The following MARCHF1 variants were observed in gnomAD, a reference collection of about 807,000 sequenced individuals.
MARCHF1 encodes membrane associated ring-CH-type finger 1.
A neutral mutation model predicts 54.2 loss-of-function variants in MARCHF1; 40 were observed. The ratio of observed to expected loss-of-function variants is 0.74; its 90% confidence interval spans 0.57 to 0.96. The LOEUF is 0.96. Ranked by LOEUF, MARCHF1 falls within the 40% of genes least tolerant of loss-of-function variation. The pLI, the probability that MARCHF1 is intolerant of heterozygous loss-of-function variation, is 0.00. For synonymous variants in MARCHF1, 236 were observed against 236.3 expected (o/e 1.00, Z 0.01); for missense variants, 586 against 656.5 (o/e 0.89, Z 1.17).
At chr4:163,636,722 C>A (rs1252273184) in intron 5 of MARCHF1, among the ~76,000 whole-genome samples, 1 of 152,082 alleles carries the variant, frequency 6.6e-6, no homozygotes, top group African/African-American at 2.4e-5. Context: ...CAATGCCTTT[C>A]TTCACACAAT....
chr4:164,284,610 C>T (rs1734102088), intron 1 of MARCHF1, among the ~76,000 whole-genome samples: 1 of 150,950 alleles, frequency 6.6e-6, no homozygotes, highest in African/African-American at 2.4e-5. Context: ...TATAAAGACA[C>T]AAAACTAAGA....
chr4:163,633,242 C>T lies in MARCHF1; in HGVS notation c.163-19849G>A, dbSNP rs576562476. Among the ~76,000 whole-genome samples the T allele has an allele frequency of 8.3e-3, 1,257 of 152,284 alleles. 15 individuals are homozygous for T. The highest frequency in any genetic ancestry group is 0.028 in the African/African-American group (1,173 of 41,548). ...TCACCAGCAACGGAACAAAGCTGGACGGAGAATGACTTTGACGAGCTGAGA... is the reference window on the plus strand; with the variant it reads ...TCACCAGCAACGGAACAAAGCTGGATGGAGAATGACTTTGACGAGCTGAGA... On this transcript the variant is annotated intron_variant, in intron 5 of 9. Transcript: ENST00000514618.
At chr4:163,861,146 C>CA (rs542529859) in intron 3 of MARCHF1, among the ~76,000 whole-genome samples, 3 of 151,986 alleles carry the variant, frequency 2.0e-5, no homozygotes, top group Non-Finnish European at 4.4e-5. Context: ...GGCTAGAAAC[C>CA]AAAACATTGT....
chr4:164,040,102 A>G (rs1754093142), intron 2 of MARCHF1, among the ~76,000 whole-genome samples: 1 of 145,526 alleles, frequency 6.9e-6, no homozygotes, highest in Admixed American at 7.0e-5. Context: ...ATATAAGTAT[A>G]TTTTTCAATT....
At chr4:163,550,081 G>C (rs964780745) in intron 8 of MARCHF1, among the ~76,000 whole-genome samples, 1 of 152,098 alleles carries the variant, frequency 6.6e-6, no homozygotes, top group Admixed American at 6.5e-5. Flanking sequence ...GCAGGAGTTC[G>C]CCACCAACCT....
chr4:164,319,553 CATGTGAGGTAAA>C (rs1735083479), intron 1 of MARCHF1, among the ~76,000 whole-genome samples: 1 of 152,122 alleles, frequency 6.6e-6, no homozygotes, highest in Non-Finnish European at 1.5e-5. Context: ...TTAATAAGCC[CATGTGAGGTAAA>C]AAGGTCTTTA....
chr4:164,308,451 G>A (rs1229972422), intron 1 of MARCHF1, among the ~76,000 whole-genome samples: 1 of 151,962 alleles, frequency 6.6e-6, no homozygotes, highest in Non-Finnish European at 1.5e-5. Flanking sequence ...GTTATGATCT[G>A]TAAGCAAGAT....
chr4:164,222,223 CTT>C (rs770447528), intron 1 of MARCHF1, among the ~76,000 whole-genome samples: 13 of 142,462 alleles, frequency 9.1e-5, no homozygotes, highest in Non-Finnish European at 9.3e-5. Flanking sequence ...CTGTCAACAC[CTT>C]TTTTTTTTTT....
intron 4 of MARCHF1, among the ~76,000 whole-genome samples, chr4:163,805,596 G>C (rs1181864446): frequency 6.6e-6 from 1 of 152,164 alleles, no homozygotes; most frequent in Admixed American, 6.6e-5. Flanking sequence ...TGATGTTCCT[G>C]AATGAAAGTA....
chr4:164,268,769 A>G (rs1034078095), intron 1 of MARCHF1, among the ~76,000 whole-genome samples: 2 of 152,188 alleles, frequency 1.3e-5, no homozygotes, highest in African/African-American at 4.8e-5. Flanking sequence ...AGAATCACAC[A>G]TTGATCTTCT....
chr4:163,541,206 A>G (rs1738714153), intron 9 of MARCHF1, among the ~76,000 whole-genome samples: 1 of 152,260 alleles, frequency 6.6e-6, no homozygotes, highest in African/African-American at 2.4e-5. Flanking sequence ...TAATGAGGCA[A>G]GGCCTCTGCC....
At chr4:164,132,716 A>G (rs1043317437) in intron 1 of MARCHF1, among the ~76,000 whole-genome samples, 5 of 152,128 alleles carry the variant, frequency 3.3e-5, no homozygotes, top group African/African-American at 1.2e-4. Context: ...TATAAATGTT[A>G]AATCTCCAGT....
rs367839896 is a variant in MARCHF1 at position 163,806,758 on chromosome 4, A to G, written c.111+47263T>C. The stretch of plus-strand genomic sequence containing the variant: ...TCCCAGCTACTCTTTTCCCAAGTTA[A>G]AAGGTTTCCATTCTCACTTTTATGG... On this transcript the variant is annotated intron_variant, in intron 4 of 9. Coordinates refer to ENST00000514618, the MANE Select transcript of MARCHF1 (RefSeq NM_001394959.1). Among the ~76,000 whole-genome samples, 11 of 152,294 alleles carry G rather than the reference A, an allele frequency of 7.2e-5. 1 individual carries two copies. Among genetic ancestry groups the G allele is most frequent in the African/African-American group, 2.6e-4 (11 of 41,556 alleles).
At chr4:164,210,453 G>A (rs552482174) in intron 1 of MARCHF1, among the ~76,000 whole-genome samples, 53 of 152,206 alleles carry the variant, frequency 3.5e-4, no homozygotes, top group African/African-American at 1.3e-3. Context: ...AGAAAGATCA[G>A]GAGTTCAGTT....
chr4:163,896,905 C>T (rs1411472253), intron 3 of MARCHF1, among the ~76,000 whole-genome samples: 1 of 152,122 alleles, frequency 6.6e-6, no homozygotes, highest in Non-Finnish European at 1.5e-5. Flanking sequence ...AAATGCATGT[C>T]CCCAAACCAC....
At chr4:163,731,946 A>G (rs777230891) in intron 4 of MARCHF1, among the ~76,000 whole-genome samples, 6 of 152,162 alleles carry the variant, frequency 3.9e-5, no homozygotes, top group Non-Finnish European at 7.4e-5. Flanking sequence ...CAACAACAAG[A>G]TCCCAGAACA....
At chr4:164,293,426 C>T (rs548226862) in intron 1 of MARCHF1, among the ~76,000 whole-genome samples, 6 of 152,206 alleles carry the variant, frequency 3.9e-5, no homozygotes, top group Non-Finnish European at 8.8e-5. Context: ...CTGTACAACA[C>T]TTTCTTTTTC....
chr4:163,606,066 G>A (rs1741132545), intron 7 of MARCHF1, among the ~76,000 whole-genome samples: 1 of 152,028 alleles, frequency 6.6e-6, no homozygotes, highest in Admixed American at 6.6e-5. Flanking sequence ...TTAAAAAAAT[G>A]AGAATATGCA....
chr4:163,629,694 C>T (rs1742003482), intron 5 of MARCHF1, among the ~76,000 whole-genome samples: 4 of 151,864 alleles, frequency 2.6e-5, no homozygotes, highest in Admixed American at 2.6e-4. Flanking sequence ...TCTAAGGGGG[C>T]TAGGGGAGGG....
Sources: allele counts gnomAD v4.1 joint callset (sites outside exome capture counted in the v4.1 genomes callset), GRCh38; gene constraint gnomAD v4.1.1; transcripts MANE v1.5; gene names NCBI Gene and HGNC (gene_info 2026-07-23, HGNC 2026-07-21).